The following PATJ variants were observed in gnomAD, a reference collection of about 807,000 sequenced individuals.
PATJ encodes inaD-like protein.
Under a neutral mutation model 224.9 loss-of-function variants are expected in PATJ, and 190 were observed. The observed-to-expected ratio is 0.84, with a 90% confidence interval of 0.75 to 0.95. The LOEUF is 0.95. Ranked by LOEUF, PATJ falls within the 40% of genes least tolerant of loss-of-function variation. The probability of loss-of-function intolerance (pLI) is 0.00; values close to 1 mark genes in which losing one functional copy is unlikely to be tolerated. For synonymous variants in PATJ, 769 were observed against 820.3 expected (o/e 0.94, Z 1.07); for missense variants, 2,121 against 2,270.3 (o/e 0.93, Z 1.34).
chr1:61,769,510 A>T (rs1646478824), intron 5 of PATJ, 88 bp downstream of exon 5: 1 of 1,330,780 alleles, frequency 7.5e-7, no homozygotes, highest in Non-Finnish European at 1.0e-6. Context: ...TAGTAATAAA[A>T]ACAGTAACAG....
chr1:61,780,618 C>CT (rs1351604126), intron 7 of PATJ, among the ~76,000 whole-genome samples: 1 of 151,974 alleles, frequency 6.6e-6, no homozygotes, highest in Non-Finnish European at 1.5e-5. Flanking sequence ...CCTCCTGCCT[C>CT]TGCCTTAGCA....
intron 41 of PATJ, among the ~76,000 whole-genome samples, chr1:62,132,221 C>T (rs1414614656): frequency 6.6e-6 from 1 of 152,000 alleles, no homozygotes; most frequent in Non-Finnish European, 1.5e-5. Flanking sequence ...CTTTATCTTC[C>T]ACAATAAGAA....
intron 37 of PATJ, among the ~76,000 whole-genome samples, chr1:62,119,963 A>C (rs1007542290): frequency 3.9e-5 from 6 of 152,208 alleles, no homozygotes; most frequent in Admixed American, 6.5e-5. Context: ...ACAATGCAAT[A>C]AAGGTCTTGG....
intron 7 of PATJ, among the ~76,000 whole-genome samples, chr1:61,779,275 C>T (rs187662959): frequency 1.3e-5 from 2 of 152,236 alleles, no homozygotes; most frequent in Non-Finnish European, 2.9e-5. Flanking sequence ...TAGGGAAGGC[C>T]AGGAGGCTGG....
chr1:61,777,699 C>CTTTTTTTTTTT (rs1557626569), intron 7 of PATJ, among the ~76,000 whole-genome samples: 13 of 80,076 alleles, frequency 1.6e-4, no homozygotes, highest in African/African-American at 4.5e-4. Flanking sequence ...TTCTTTCTTT[C>CTTTTTTTTTTT]TTTCTTTTTT....
chr1:61,775,668 C>G (rs1044780914), intron 7 of PATJ, among the ~76,000 whole-genome samples: 1 of 152,052 alleles, frequency 6.6e-6, no homozygotes, highest in Non-Finnish European at 1.5e-5. Context: ...TTTCGATGAC[C>G]TAAATGTTAA....
intron 25 of PATJ, among the ~76,000 whole-genome samples, chr1:61,910,719 G>T (rs1251285508): frequency 2.6e-5 from 4 of 151,250 alleles, no homozygotes; most frequent in South Asian, 4.2e-4. Context: ...GCTAGTTTTT[G>T]ATTTTTTTCC....
intron 29 of PATJ, among the ~76,000 whole-genome samples, chr1:62,020,908 C>G (rs1647041209): frequency 1.3e-5 from 2 of 152,128 alleles, no homozygotes; most frequent in Non-Finnish European, 2.9e-5. Flanking sequence ...ACACTGCAAC[C>G]ACTGCCTCCC....
chr1:61,746,381 GA>G (rs1179230788), intron 1 of PATJ, among the ~76,000 whole-genome samples: 1 of 152,194 alleles, frequency 6.6e-6, no homozygotes, highest in African/African-American at 2.4e-5. Flanking sequence ...CTGGCCCAGA[GA>G]ATTTCTTTAC....
intron 31 of PATJ, among the ~76,000 whole-genome samples, chr1:62,060,199 C>G (rs1218039134): frequency 6.6e-6 from 1 of 152,054 alleles, no homozygotes. Context: ...CTGTCCTTCC[C>G]GTAATGAAAG....
intron 27 of PATJ, among the ~76,000 whole-genome samples, chr1:61,943,283 G>A (rs746203612): frequency 1.1e-4 from 16 of 152,226 alleles, no homozygotes; most frequent in South Asian, 2.1e-4. Flanking sequence ...AGCCCATGGA[G>A]CAGGGCGGGG....
Position 62,156,425 on chromosome 1 carries a change from G to C in PATJ, c.5502+2944G>C, listed in dbSNP as rs142006215. 9.2e-3 allele frequency among the ~76,000 whole-genome samples: 1,398 copies of C among 152,004 alleles called. 25 individuals are homozygous for C. Among genetic ancestry groups the C allele is most frequent in the African/African-American group, 0.032 (1,335 of 41,442 alleles). ...GGCACCTGTAATCCCAGCTACTCGG[G>C]AGGCTGAGGCACGAGAATCACTTGA... On this transcript the variant is annotated intron_variant, in intron 43 of 43. Coordinates refer to ENST00000642238, the MANE Select transcript of PATJ (RefSeq NM_001350145.3).
intron 20 of PATJ, among the ~76,000 whole-genome samples, chr1:61,869,367 A>G (rs1366725629): frequency 6.6e-6 from 1 of 152,024 alleles, no homozygotes. Context: ...CGGCCTCCCA[A>G]AGTTAACATT....
chr1:61,921,954 G>A (rs1434879819), intron 26 of PATJ, among the ~76,000 whole-genome samples: 1 of 152,082 alleles, frequency 6.6e-6, no homozygotes, highest in Non-Finnish European at 1.5e-5. Flanking sequence ...AGCTGTTAAA[G>A]ACAAAAAAAA....
Position 62,128,874 on chromosome 1 carries a change from C to T in PATJ, c.5200C>T (p.Pro1734Ser), listed in dbSNP as rs1665990502. Residue 1734 changes from proline to serine, a missense_variant, in exon 41 of 44, where the codon CCT (proline) becomes TCT (serine). Coordinates refer to ENST00000642238, the MANE Select transcript of PATJ (RefSeq NM_001350145.3). Reference protein sequence around the residue: ...GDRIVSINGQPLDGLSHADVV... With the variant: ...GDRIVSINGQSLDGLSHADVV... ...TCGGATTGTCAGCATTAACGGGCAA[C>T]CTTTGGATGGGCTGTCTCACGCGGA... 2 of 1,613,266 alleles carry T rather than the reference C, an allele frequency of 1.2e-6. No homozygotes were observed. Among genetic ancestry groups the T allele is most frequent in the Non-Finnish European group, 1.7e-6 (2 of 1,179,296 alleles).
chr1:62,017,538 T>G (rs1255680169), intron 28 of PATJ, among the ~76,000 whole-genome samples: 2 of 151,524 alleles, frequency 1.3e-5, no homozygotes, highest in African/African-American at 2.4e-5. Context: ...AACCCCAACC[T>G]AGCCAATATG....
At chr1:62,100,291 T>TA (rs1169021376) in intron 33 of PATJ, 10 of 704,034 alleles carry the variant, frequency 1.4e-5, no homozygotes, top group South Asian at 4.6e-5. Context: ...GGTAATTTAT[T>TA]AAAAAAAGAA....
intron 28 of PATJ, among the ~76,000 whole-genome samples, chr1:62,011,941 C>T (rs1343679639): frequency 6.6e-6 from 1 of 151,664 alleles, no homozygotes; most frequent in Non-Finnish European, 1.5e-5. Flanking sequence ...GCAGGAGGAT[C>T]TCTTTATCCC....
chr1:61,934,045 C>T (rs1425360608), intron 27 of PATJ, among the ~76,000 whole-genome samples: 5 of 152,074 alleles, frequency 3.3e-5, no homozygotes, highest in Non-Finnish European at 7.4e-5. Flanking sequence ...AAGCAATTCT[C>T]CTGCCTCAGC....
Sources: allele counts gnomAD v4.1 joint callset (sites outside exome capture counted in the v4.1 genomes callset), GRCh38; gene constraint gnomAD v4.1.1; transcripts MANE v1.5; gene names NCBI Gene and HGNC (gene_info 2026-07-23, HGNC 2026-07-21).